The following NMUR1 variants were observed in gnomAD, a reference collection of about 807,000 sequenced individuals.
The protein encoded by NMUR1 is neuromedin U receptor 1.
Under a neutral mutation model 18.8 loss-of-function variants are expected in NMUR1, and 16 were observed. The observed-to-expected ratio is 0.85, with a 90% CI of 0.58 to 1.29. The LOEUF (loss-of-function observed/expected upper bound fraction) is 1.29, where lower values mean the gene tolerates loss of function less well. Ranked by LOEUF, NMUR1 falls within the 50% of genes most tolerant of loss-of-function variation. The pLI, the probability that NMUR1 is intolerant of heterozygous loss-of-function variation, is 0.00. For synonymous variants in NMUR1, 258 were observed against 258.2 expected, an observed-to-expected ratio of 1.00 and a Z score of 0.01; for missense variants, 529 against 580.3, an observed-to-expected ratio of 0.91 and a Z score of 0.91.
Position 231,528,871 on chromosome 2 carries a change from C to G in NMUR1, c.150G>C (p.Lys50Asn), listed in dbSNP as rs746226689. The change falls in exon 2 of 3, where the codon AAG (lysine) becomes AAC (asparagine). Residue 50 changes from lysine to asparagine, a missense_variant. By Grantham distance (94) the Lys-to-Asn change is moderately conservative. Coordinates refer to ENST00000305141, the MANE Select transcript of NMUR1 (RefSeq NM_006056.5). ...LNLTDEALRLKYLGPQQTELF... is the reference protein window; with the variant it reads ...LNLTDEALRLNYLGPQQTELF... ...GCTCTGTCTGCTGGGGCCCCAGGTACTTGAGTCTCAGTGCCTCGTCAGTCA... is the reference window on the plus strand; with the variant it reads ...GCTCTGTCTGCTGGGGCCCCAGGTAGTTGAGTCTCAGTGCCTCGTCAGTCA... The G allele has an allele frequency of 1.9e-6, 3 of 1,614,200 alleles. No homozygotes were observed. In the Admixed American group the frequency reaches 5.0e-5, roughly 27 times the overall value.
downstream of NMUR1, among the ~76,000 whole-genome samples, chr2:231,521,154 T>G (rs1268049949): frequency 2.0e-5 from 3 of 152,178 alleles, no homozygotes; most frequent in African/African-American, 7.2e-5. Context: ...GGTGGGCAGA[T>G]TGCTTGAGCC....
In NMUR1 at chr2:231,528,968, C is replaced by A. The variant is rs186661364; in HGVS notation, c.53G>T (p.Gly18Val). 1 of 1,613,852 alleles carries A rather than the reference C, an allele frequency of 6.2e-7. No individual in the cohort carries two copies. Among genetic ancestry groups the A allele is most frequent in the Non-Finnish European group, 8.5e-7 (1 of 1,179,924 alleles). Residue 18 changes from glycine to valine, a missense_variant, in exon 2 of 3, where the codon GGG (glycine) becomes GTG (valine). By Grantham distance (109) the Gly-to-Val change is moderately radical. Transcript: ENST00000305141. ...GCAAGCCATGGGGTTCCTTGCACCCCCTGGGTACAGGTCTCCAGGGAGGAC... is the reference window on the plus strand; with the variant it reads ...GCAAGCCATGGGGTTCCTTGCACCCACTGGGTACAGGTCTCCAGGGAGGAC... The part of the protein sequence containing the change: ...CSVLPGDLYP[G>V]GARNPMACNG...
chr2:231,528,696 C>G lies in NMUR1; in HGVS notation c.325G>C (p.Val109Leu), dbSNP rs371890137. 3.1e-6 allele frequency: 5 copies of G among 1,614,126 alleles called. No individual in the cohort carries two copies. In the African/African-American group the frequency reaches 6.7e-5, roughly 22 times the overall value. The change falls in exon 2 of 3, where the codon GTG becomes CTG. Residue 109 changes from valine (V) to leucine (L), a missense_variant. Coordinates refer to ENST00000305141, the MANE Select transcript of NMUR1 (RefSeq NM_006056.5). ...LFSLAVSDLLVLLVGLPLELY... is the reference protein window; with the variant it reads ...LFSLAVSDLLLLLVGLPLELY... Reference sequence around the variant, plus strand: ...TCCAGGGGCAGGCCCACCAGCAGCACCAGCAGGTCCGACACGGCCAGGCTG... The same window carrying G: ...TCCAGGGGCAGGCCCACCAGCAGCAGCAGCAGGTCCGACACGGCCAGGCTG...
intron 2 of NMUR1, 29 bp from the exon 3 acceptor site, chr2:231,525,454 G>C: frequency 1.9e-6 from 3 of 1,575,596 alleles, no homozygotes; most frequent in Non-Finnish European, 2.6e-6. Flanking sequence ...GAGGCCGAGT[G>C]CCCGCCCGAG....
At chr2:231,525,525 C>T in intron 2 of NMUR1, 100 bp from the exon 3 acceptor site, 1 of 1,316,406 alleles carries the variant, frequency 7.6e-7, no homozygotes, top group Non-Finnish European at 1.0e-6. Context: ...CCTCTCCTAT[C>T]CCACAGGCCA....
In NMUR1 at chr2:231,528,941, T is replaced by C. The variant is rs746312455; in HGVS notation, c.80A>G (p.Asn27Ser). Residue 27 changes from asparagine to serine, a missense_variant, in exon 2 of 3, where the codon AAT becomes AGT. Coordinates refer to ENST00000305141, the MANE Select transcript of NMUR1 (RefSeq NM_006056.5). ...AAAGTGCCCCCTGGCCGCACTGCCA[T>C]TGCAAGCCATGGGGTTCCTTGCACC... ...PGGARNPMAC[N>S]GSAARGHFDP... is the part of the protein sequence containing the mutation. The C allele has an allele frequency of 3.7e-6, 6 of 1,613,916 alleles. No homozygotes were observed. Among genetic ancestry groups the C allele is most frequent in the Admixed American group, 3.3e-5 (2 of 59,990 alleles).
downstream of NMUR1, among the ~76,000 whole-genome samples, chr2:231,521,973 C>CTCTTT (rs71396675): frequency 1.4e-4 from 12 of 83,850 alleles, no homozygotes; most frequent in African/African-American, 4.8e-4. Context: ...TTTTTTTTCT[C>CTCTTT]TTTTTTTTTT....
intron 1 of NMUR1, 133 bp from the exon 2 acceptor site, chr2:231,529,150 T>G (rs1293871918): frequency 8.0e-6 from 7 of 878,056 alleles, no homozygotes; most frequent in Non-Finnish European, 1.0e-5. Flanking sequence ...AAGAAAAAAC[T>G]CTTCCATCCA....
chr2:231,518,545 A>C (rs2125657825), downstream of NMUR1, among the ~76,000 whole-genome samples: 1 of 152,370 alleles, frequency 6.6e-6, no homozygotes, highest in South Asian at 2.1e-4. Context: ...AATATGCAGG[A>C]AAATGATGGA....
chr2:231,527,745 GT>G (rs1253251614), intron 2 of NMUR1, among the ~76,000 whole-genome samples: 2 of 151,852 alleles, frequency 1.3e-5, no homozygotes, highest in African/African-American at 4.8e-5. Context: ...CCCTTTCTGT[GT>G]TTTGGTTCCA....
At position 231,530,372 on chromosome 2, in the gene NMUR1, G is replaced by A. The variant is rs1419792122; in HGVS notation, c.-11C>T. 1 of 1,486,950 alleles carries A rather than the reference G, an allele frequency of 6.7e-7. No individual in the cohort carries two copies. Among genetic ancestry groups the A allele is most frequent in the Admixed American group, 2.2e-5 (1 of 44,794 alleles). The allele number at this position is 1,486,950 out of a possible 1,614,324, so 92.1% of individuals were successfully genotyped here. A position where few individuals can be genotyped will look rare whatever the true frequency, so the allele number is the denominator to read the frequency against. On this transcript the variant is annotated 5_prime_UTR_variant, in exon 1 of 3. Coordinates refer to ENST00000305141, the MANE Select transcript of NMUR1 (RefSeq NM_006056.5). The stretch of plus-strand genomic sequence containing the variant: ...CTGCGCACCTACCATGCGGCCCGCG[G>A]CCCGCGAGACCCCGGCTTCCACCCT...
chr2:231,529,557 C>G (rs1222204306), intron 1 of NMUR1, among the ~76,000 whole-genome samples: 1 of 151,962 alleles, frequency 6.6e-6, no homozygotes, highest in Non-Finnish European at 1.5e-5. Context: ...TCTATTGGAA[C>G]CTTTGAGTAA....
intron 2 of NMUR1, among the ~76,000 whole-genome samples, chr2:231,527,342 C>T (rs1457692282): frequency 6.6e-6 from 1 of 152,190 alleles, no homozygotes; most frequent in East Asian, 1.9e-4. Context: ...AAGGCCAAGA[C>T]ACGTTAATAA....
chr2:231,529,130 AC>A, intron 1 of NMUR1, 113 bp from the exon 2 acceptor site: 1 of 1,078,536 alleles, frequency 9.3e-7, no homozygotes. Flanking sequence ...TATTTTAGGC[AC>A]CACTGAGAAA....
chr2:231,528,265 C>T lies in NMUR1; in HGVS notation c.756G>A (p.Leu252=). The T allele has an allele frequency of 1.2e-6, 2 of 1,613,984 alleles. No homozygotes were observed. Among genetic ancestry groups the T allele is most frequent in the East Asian group, 2.2e-5 (1 of 44,884 alleles). ...CCCGCCGCAGTCGCAGCCCAATGAG[C>T]AGGTAGAGCACGCTCATGATGGCCA... is the stretch of plus-strand genomic sequence containing the variant. ...LPMAIMSVLY[L]LIGLRLRRER... is the part of the protein sequence containing the mutation. The change falls in exon 2 of 3, where the codon CTG becomes CTA. Residue 252 remains leucine (L), a synonymous_variant. Transcript: ENST00000305141.
intron 2 of NMUR1, among the ~76,000 whole-genome samples, chr2:231,525,879 C>T (rs917238142): frequency 3.9e-5 from 6 of 152,144 alleles, no homozygotes; most frequent in African/African-American, 1.4e-4. Flanking sequence ...CAGAGAGCGG[C>T]AGACCGGAGG....
rs547700166 is a variant in NMUR1 at position 231,529,324 on chromosome 2, G to A, written c.4-307C>T. Among the ~76,000 whole-genome samples the A allele has an allele frequency of 7.9e-5, 12 of 152,260 alleles. No individual in the cohort carries two copies. The South Asian group carries it at 2.3e-3, about 29-fold the overall frequency. On this transcript the variant is annotated intron_variant, in intron 1 of 2. Coordinates refer to ENST00000305141, the MANE Select transcript of NMUR1 (RefSeq NM_006056.5). Reference sequence around the variant, plus strand: ...ACAATACAAAAAGTAGCCGGGCGTGGTAGCACACGCCTGTAATTCCAGCTA... The same window carrying A: ...ACAATACAAAAAGTAGCCGGGCGTGATAGCACACGCCTGTAATTCCAGCTA...
chr2:231,528,424 C>T lies in NMUR1; in HGVS notation c.597G>A (p.Leu199=), dbSNP rs1363517106. 1 of 1,613,730 alleles carries T rather than the reference C, an allele frequency of 6.2e-7. No individual in the cohort carries two copies. The highest frequency in any genetic ancestry group is 1.1e-5 in the South Asian group (1 of 91,076). Residue 199 remains leucine (L), a synonymous_variant, in exon 2 of 3, where the codon CTG becomes CTA. Transcript: ENST00000305141. ...AMLCSLPNTS[L]HGIRQLHVPC... is the part of the protein sequence containing the mutation. ...GCACGTGCAGCTGCCGGATGCCGTG[C>T]AGGCTGGTGTTGGGCAGGGAGCAGA...
downstream of NMUR1, among the ~76,000 whole-genome samples, chr2:231,520,544 C>G (rs1373655969): frequency 1.3e-5 from 2 of 152,202 alleles, no homozygotes; most frequent in Non-Finnish European, 2.9e-5. Flanking sequence ...AGATTCCCCC[C>G]AATAAGAAAG....
Sources: allele counts gnomAD v4.1 joint callset (sites outside exome capture counted in the v4.1 genomes callset), GRCh38; gene constraint gnomAD v4.1.1; transcripts MANE v1.5; gene names NCBI Gene and HGNC (gene_info 2026-07-23, HGNC 2026-07-21).